The following RUNDC3B variants were observed in gnomAD, a reference collection of about 807,000 sequenced individuals.
The protein encoded by RUNDC3B is RUN domain-containing protein 3B.
Under a neutral mutation model 58.4 loss-of-function variants are expected in RUNDC3B, and 33 were observed. The observed-to-expected ratio is 0.56, with a 90% CI of 0.43 to 0.75. The LOEUF (loss-of-function observed/expected upper bound fraction) is 0.75, where lower values mean the gene tolerates loss of function less well. RUNDC3B is among the 30% of genes least tolerant of loss of function. The probability of loss-of-function intolerance (pLI) is 0.00; values close to 1 mark genes in which losing one functional copy is unlikely to be tolerated. For missense variants in RUNDC3B, 501 were observed against 535.7 expected, an observed-to-expected ratio of 0.94 and a Z score of 0.64; for synonymous variants, 193 against 195.2, an observed-to-expected ratio of 0.99 and a Z score of 0.10.
intron 4 of RUNDC3B, among the ~76,000 whole-genome samples, chr7:87,714,768 C>T (rs1208328665): frequency 6.9e-6 from 1 of 144,188 alleles, no homozygotes; most frequent in Non-Finnish European, 1.6e-5. Context: ...TGGACAGGCA[C>T]CCCCCCGCCC....
intron 7 of RUNDC3B, among the ~76,000 whole-genome samples, chr7:87,775,719 G>A (rs1834582396): frequency 1.3e-5 from 2 of 152,108 alleles, no homozygotes; most frequent in African/African-American, 4.8e-5. Context: ...CCTTTTCTAT[G>A]TTTAGATATA....
At chr7:87,792,360 T>C (rs1835571309) in intron 8 of RUNDC3B, among the ~76,000 whole-genome samples, 1 of 152,128 alleles carries the variant, frequency 6.6e-6, no homozygotes, top group South Asian at 2.1e-4. Context: ...ATAGACCAAA[T>C]GGATCTCATA....
At chr7:87,638,345 T>TTGTG (rs71524692) in intron 1 of RUNDC3B, among the ~76,000 whole-genome samples, 16,991 of 144,692 alleles carry the variant, frequency 0.12, 990 homozygotes, top group Non-Finnish European at 0.14. Context: ...AAGTATGTGT[T>TTGTG]TGTGTGTGTG....
chr7:87,733,748 C>A (rs1429770774), intron 4 of RUNDC3B, among the ~76,000 whole-genome samples: 1 of 152,116 alleles, frequency 6.6e-6, no homozygotes, highest in South Asian at 2.1e-4. Flanking sequence ...CAGTAGGGTT[C>A]TTACTCCTGT....
intron 3 of RUNDC3B, among the ~76,000 whole-genome samples, chr7:87,702,559 G>A (rs887068991): frequency 4.6e-5 from 7 of 152,214 alleles, no homozygotes; most frequent in East Asian, 1.9e-4. Flanking sequence ...GATTACAGGC[G>A]TTGAGTCACC....
Position 87,750,582 on chromosome 7 carries a change from C to G in RUNDC3B, c.629+9003C>G, listed in dbSNP as rs148372871. Among the ~76,000 whole-genome samples the G allele has an allele frequency of 2.3e-3, 344 of 152,230 alleles. 1 individual carries two copies. Among genetic ancestry groups the G allele is most frequent in the African/African-American group, 7.1e-3 (295 of 41,520 alleles). On this transcript the variant is annotated intron_variant, in intron 6 of 10. Coordinates refer to ENST00000394654, the MANE Select transcript of RUNDC3B (RefSeq NM_001134405.2). ...TAATGATTGCCATTCTAAATGGTGT[C>G]AGATGGTATCTCATTGTGGTTTTGA...
At chr7:87,694,569 T>G (rs1196073241) in intron 2 of RUNDC3B, among the ~76,000 whole-genome samples, 1 of 152,210 alleles carries the variant, frequency 6.6e-6, no homozygotes, top group Non-Finnish European at 1.5e-5. Flanking sequence ...ATTCCCACAA[T>G]TAATCCTTTC....
At chr7:87,642,663 G>T (rs1822569714) in intron 1 of RUNDC3B, among the ~76,000 whole-genome samples, 1 of 151,630 alleles carries the variant, frequency 6.6e-6, no homozygotes. Context: ...GAAGTTCTAG[G>T]GTACATGTGC....
At chr7:87,817,953 T>C in intron 10 of RUNDC3B, among the ~76,000 whole-genome samples, 1 of 152,204 alleles carries the variant, frequency 6.6e-6, no homozygotes, top group Non-Finnish European at 1.5e-5. Flanking sequence ...TTAGGCAGTG[T>C]AAATATTGTG....
intron 6 of RUNDC3B, among the ~76,000 whole-genome samples, chr7:87,747,188 C>T (rs1005065860): frequency 1.3e-5 from 2 of 152,156 alleles, no homozygotes; most frequent in Non-Finnish European, 2.9e-5. Context: ...GTACTCTCCC[C>T]CTTTTCCTAT....
intron 4 of RUNDC3B, among the ~76,000 whole-genome samples, chr7:87,712,093 T>C (rs1463127416): frequency 6.6e-6 from 1 of 152,186 alleles, no homozygotes; most frequent in African/African-American, 2.4e-5. Context: ...TCTATCTTTA[T>C]TGGTAATATA....
chr7:87,631,686 C>T (rs1029576596), intron 1 of RUNDC3B, among the ~76,000 whole-genome samples: 3 of 152,208 alleles, frequency 2.0e-5, no homozygotes, highest in Admixed American at 6.5e-5. Flanking sequence ...AGCCACCTTG[C>T]GCCCGGCCTC....
At chr7:87,731,875 A>G (rs71570580) in intron 4 of RUNDC3B, among the ~76,000 whole-genome samples, 7 of 152,218 alleles carry the variant, frequency 4.6e-5, no homozygotes, top group Non-Finnish European at 1.0e-4. Context: ...CAGAAAATCA[A>G]CAATGAAACA....
intron 8 of RUNDC3B, among the ~76,000 whole-genome samples, chr7:87,792,673 C>G (rs993285927): frequency 2.0e-5 from 3 of 151,944 alleles, no homozygotes; most frequent in Non-Finnish European, 2.9e-5. Flanking sequence ...TTAATGGAAG[C>G]AGAACATATC....
intron 2 of RUNDC3B, among the ~76,000 whole-genome samples, chr7:87,684,932 C>G (rs559048416): frequency 3.3e-5 from 5 of 151,034 alleles, no homozygotes; most frequent in African/African-American, 1.2e-4. Flanking sequence ...GAACCTTGTT[C>G]CTTACCTCAC....
intron 7 of RUNDC3B, among the ~76,000 whole-genome samples, chr7:87,773,570 A>G (rs1834420212): frequency 6.6e-6 from 1 of 152,182 alleles, no homozygotes; most frequent in Non-Finnish European, 1.5e-5. Context: ...ATTAAATGTT[A>G]ACAATTAGAA....
intron 3 of RUNDC3B, among the ~76,000 whole-genome samples, chr7:87,701,561 C>G (rs768774607): frequency 5.3e-5 from 8 of 152,038 alleles, no homozygotes; most frequent in Non-Finnish European, 1.0e-4. Flanking sequence ...GTAAAAAGAT[C>G]AATTCAAAGT....
intron 2 of RUNDC3B, among the ~76,000 whole-genome samples, chr7:87,658,607 A>G (rs923201185): frequency 1.3e-4 from 20 of 152,336 alleles, no homozygotes; most frequent in Non-Finnish European, 2.8e-4. Context: ...CAATAAATAA[A>G]GACAAAGAAA....
At chr7:87,630,278 G>A (rs550612712) in intron 1 of RUNDC3B, among the ~76,000 whole-genome samples, 2 of 152,268 alleles carry the variant, frequency 1.3e-5, no homozygotes, top group Admixed American at 1.3e-4. Context: ...ATAACTCACA[G>A]TGACTTTTTA....
Sources: gnomAD v4.1 joint callset for allele counts (sites outside exome capture counted in the v4.1 genomes callset) on GRCh38, gnomAD v4.1.1 for gene constraint, MANE v1.5 for transcripts, NCBI Gene and HGNC (gene_info 2026-07-23, HGNC 2026-07-21) for gene names.